Variants in HECTD4 observed in about 807,000 individuals in gnomAD.
HECTD4 encodes the protein HECT domain E3 ubiquitin protein ligase 4, also known as probable E3 ubiquitin-protein ligase HECTD4.
HECTD4 carries 114 observed loss-of-function variants against 471.5 expected under a neutral mutation model. That is an observed-to-expected ratio of 0.24 (90% CI 0.21 to 0.28). HECTD4 has a LOEUF of 0.28. Among genes scored for constraint, HECTD4 ranks in the 10% least tolerant of loss-of-function variants. HECTD4 has a pLI of 1.00. For synonymous variants in HECTD4, 2,012 were observed against 2,256.0 expected (o/e 0.89, Z 3.07); for missense variants, 3,866 against 5,651.5 (o/e 0.68, Z 10.13).
At chr12:112,165,835 CCAGGGAGACGA>C in intron 72 of HECTD4, among the ~76,000 whole-genome samples, 1 of 152,294 alleles carries the variant, frequency 6.6e-6, no homozygotes, top group African/African-American at 2.4e-5. Flanking sequence ...TGCTGGGCTA[CCAGGGAGACGA>C]CAGGGTCGGA....
chr12:112,290,257 C>T (rs1314396333), intron 7 of HECTD4, among the ~76,000 whole-genome samples: 1 of 151,420 alleles, frequency 6.6e-6, no homozygotes, highest in Admixed American at 6.6e-5. Context: ...GAGGTTGAGG[C>T]TACAGTAAGC....
chr12:112,189,550 C>CAA lies in HECTD4; in HGVS notation c.9472+1234_9472+1235dup, dbSNP rs57209316. ...TGGGCGACAGAGCGAGACTCCGTCT[C>CAA]AAAAAAAAAAAAAAAAAAAAAAAAA... On this transcript the variant is annotated intron_variant, in intron 60 of 75. Coordinates refer to ENST00000682272, the MANE Select transcript of HECTD4 (RefSeq NM_001388303.1). 6.0e-3 allele frequency among the ~76,000 whole-genome samples: 179 copies of CAA among 29,860 alleles called. 3 individuals are homozygous for CAA. The highest frequency in any genetic ancestry group is 0.02 in the Middle Eastern group (1 of 50). 19.6% of individuals were successfully genotyped at this position (29,860 alleles called of 152,430 possible). A position where few individuals can be genotyped will look rare whatever the true frequency, so the allele number is the denominator to read the frequency against.
intron 7 of HECTD4, among the ~76,000 whole-genome samples, chr12:112,290,259 A>T (rs1224408838): frequency 6.6e-6 from 1 of 151,640 alleles, no homozygotes. Flanking sequence ...GGTTGAGGCT[A>T]CAGTAAGCCG....
At chr12:112,335,052 A>G (rs1209213843) in intron 1 of HECTD4, among the ~76,000 whole-genome samples, 1 of 152,180 alleles carries the variant, frequency 6.6e-6, no homozygotes, top group African/African-American at 2.4e-5. Context: ...ATACTTGCAC[A>G]TGCATGTTTA....
intron 11 of HECTD4, among the ~76,000 whole-genome samples, 169 bp from the exon 12 acceptor site, chr12:112,270,628 G>GA (rs1410612996): frequency 6.6e-6 from 1 of 152,218 alleles, no homozygotes; most frequent in East Asian, 1.9e-4. Context: ...GTGCTGGGGT[G>GA]AAAACACTTG....
chr12:112,354,741 G>T (rs1395030928), intron 1 of HECTD4, among the ~76,000 whole-genome samples: 1 of 151,784 alleles, frequency 6.6e-6, no homozygotes. Context: ...CATACACACA[G>T]CAACACTTCA....
intron 7 of HECTD4, among the ~76,000 whole-genome samples, chr12:112,298,480 A>ATT (rs199649818): frequency 1.6e-3 from 206 of 132,776 alleles, no homozygotes; most frequent in East Asian, 8.2e-3. Flanking sequence ...AATTATATTA[A>ATT]TTTTTTTTTT....
At chr12:112,332,677 T>C (rs1227624213) in intron 1 of HECTD4, among the ~76,000 whole-genome samples, 2 of 151,834 alleles carry the variant, frequency 1.3e-5, no homozygotes, top group Non-Finnish European at 2.9e-5. Flanking sequence ...AAAAATAATA[T>C]AATCTTTATT....
At chr12:112,352,994 A>C (rs1409086706) in intron 1 of HECTD4, among the ~76,000 whole-genome samples, 3 of 152,142 alleles carry the variant, frequency 2.0e-5, no homozygotes, top group African/African-American at 7.2e-5. Context: ...GAATTCCTAT[A>C]AGTCAGTTGC....
At chr12:112,378,200 T>C (rs552356506) in intron 1 of HECTD4, among the ~76,000 whole-genome samples, 1 of 152,224 alleles carries the variant, frequency 6.6e-6, no homozygotes, top group East Asian at 1.9e-4. Flanking sequence ...CTAAAGTCTC[T>C]TCTGCTCTAA....
chr12:112,210,291 C>A, intron 49 of HECTD4, 39 bp from the exon 50 acceptor site: 1 of 1,593,318 alleles, frequency 6.3e-7, no homozygotes, highest in Non-Finnish European at 8.6e-7. Flanking sequence ...GAAAGACTTA[C>A]GTTTATTTTT....
chr12:112,250,443 G>T, intron 24 of HECTD4, 66 bp from the exon 25 acceptor site: 1 of 1,128,238 alleles, frequency 8.9e-7, no homozygotes, highest in Non-Finnish European at 1.3e-6. Context: ...GCTATTGGAT[G>T]TTTGCAGATA....
At position 112,235,772 on chromosome 12, in the gene HECTD4, A is replaced by C; in HGVS notation, c.5457T>G (p.Gly1819=). 2.5e-6 allele frequency: 4 copies of C among 1,612,294 alleles called. No homozygotes were observed. The highest frequency in any genetic ancestry group is 3.4e-6 in the Non-Finnish European group (4 of 1,179,110). The change falls in exon 36 of 76, where the codon GGT becomes GGG. Residue 1819 remains glycine, a synonymous_variant. Transcript: ENST00000682272. The surrounding 1 kb of genome is among the most constrained non-coding windows in gnomAD (Gnocchi z 5.0). The part of the protein sequence containing the change: ...LLNDLSRSHI[G]KAILSQPACV... ...AAGCTGGCTGGCTCAGGATGGCTTTACCTATGTGGCTCCTGGGAAAAAAGG... is the reference window on the plus strand; with the variant it reads ...AAGCTGGCTGGCTCAGGATGGCTTTCCCTATGTGGCTCCTGGGAAAAAAGG...
In HECTD4 at chr12:112,184,216, G is replaced by A. The variant is rs151014114; in HGVS notation, c.10750C>T (p.Arg3584Cys). The part of the protein sequence containing the change: ...TSLDNQPLAA[R>C]PIKGFAVVEI... ...ACGACTGCGAAGCCTTTGATGGGGC[G>A]GGCGGCGAGGGGCTGGTTGTCCAGG... Residue 3584 changes from arginine to cysteine, a missense_variant, in exon 61 of 76, where the codon CGC (arginine) becomes TGC (cysteine). By Grantham distance (180) the Arg-to-Cys change is radical. This residue lies in a region of HECTD4 where 192 missense variants were observed against 189.9 expected (regional missense o/e 1.01). Transcript: ENST00000682272. The surrounding 1 kb of genome is among the most constrained non-coding windows in gnomAD (Gnocchi z 9.1). 7 of 1,612,598 alleles carry A rather than the reference G, an allele frequency of 4.3e-6. No homozygotes were observed. The East Asian group carries it at 6.7e-5, about 15-fold the overall frequency.
intron 1 of HECTD4, among the ~76,000 whole-genome samples, chr12:112,360,984 CAA>C (rs1195549482): frequency 2.7e-4 from 16 of 58,610 alleles, no homozygotes; most frequent in South Asian, 1.1e-3. Flanking sequence ...AACTCCGTCT[CAA>C]AAAAAAAAAA....
chr12:112,312,966 C>A, intron 4 of HECTD4, 51 bp downstream of exon 4: 2 of 1,484,756 alleles, frequency 1.3e-6, no homozygotes, highest in South Asian at 1.2e-5. Flanking sequence ...GATCTAAAAC[C>A]TCTTTATTTA....
intron 50 of HECTD4, among the ~76,000 whole-genome samples, chr12:112,208,893 CTTTT>C (rs756330403): frequency 2.8e-5 from 2 of 72,466 alleles, no homozygotes; most frequent in South Asian, 4.7e-4. Context: ...ACTAAACAGG[CTTTT>C]TTTTTTTTTT....
chr12:112,320,203 T>C (rs1277136512), intron 1 of HECTD4, among the ~76,000 whole-genome samples: 1 of 151,662 alleles, frequency 6.6e-6, no homozygotes, highest in African/African-American at 2.4e-5. Context: ...GGCTTGGTGG[T>C]GTGCACCTGT....
chr12:112,261,584 G>A (rs2034146512), intron 17 of HECTD4, 155 bp from the exon 18 acceptor site: 1 of 733,326 alleles, frequency 1.4e-6, no homozygotes, highest in African/African-American at 1.8e-5. Flanking sequence ...TAGAAATAAT[G>A]AGGTGGCCAG....
Sources: allele counts gnomAD v4.1 joint callset (sites outside exome capture counted in the v4.1 genomes callset), GRCh38; gene constraint gnomAD v4.1.1; regional missense constraint gnomAD v4.1.1; non-coding constraint Gnocchi (gnomAD v3.1); transcripts MANE v1.5; gene names NCBI Gene and HGNC (gene_info 2026-07-23, HGNC 2026-07-21).